Variants in WFDC1 observed in about 807,000 individuals in gnomAD.
The protein encoded by WFDC1 is WAP four-disulfide core domain 1.
WFDC1 carries 39 observed loss-of-function variants against 32.9 expected under a neutral mutation model. The ratio of observed to expected loss-of-function variants is 1.19; its 90% CI spans 0.92 to 1.55. The LOEUF (loss-of-function observed/expected upper bound fraction) is 1.55, where lower values mean the gene tolerates loss of function less well. WFDC1 is among the 40% of genes most tolerant of loss of function. The pLI is 0.00. For missense variants in WFDC1, 386 were observed against 309.5 expected (o/e 1.25, Z -1.85); for synonymous variants, 184 against 137.4 (o/e 1.34, Z -2.37).
At chr16:84,317,714 A>C (rs1908045033) in intron 2 of WFDC1, 2 of 153,978 alleles carry the variant, frequency 1.3e-5, no homozygotes, top group South Asian at 4.1e-4. Flanking sequence ...AAATTAAAAA[A>C]ATAAAGTATT....
chr16:84,295,157 T>C (rs1168255914), intron 1 of WFDC1, 42 bp downstream of exon 1: 6 of 1,605,308 alleles, frequency 3.7e-6, no homozygotes, highest in African/African-American at 1.3e-5. Flanking sequence ...CCTGTGTGGG[T>C]GGGAGTCAGC....
chr16:84,307,100 G>C (rs1434247094), intron 1 of WFDC1, among the ~76,000 whole-genome samples: 1 of 152,130 alleles, frequency 6.6e-6, no homozygotes, highest in African/African-American at 2.4e-5. Context: ...TGGGTGGCTG[G>C]AGAGAATGAG....
intron 1 of WFDC1, among the ~76,000 whole-genome samples, chr16:84,297,632 A>C (rs750598934): frequency 0.01 from 1,478 of 147,558 alleles, 62 homozygotes; most frequent in African/African-American, 0.035. Context: ...AAAAAAAAAA[A>C]AAAAAAAAAA....
chr16:84,311,940 C>T (rs976532327), intron 1 of WFDC1, among the ~76,000 whole-genome samples: 13 of 151,914 alleles, frequency 8.6e-5, no homozygotes, highest in African/African-American at 2.4e-4. Context: ...CTGAGGCAGG[C>T]GGATCACCTG....
chr16:84,298,677 T>C (rs1906753888), intron 1 of WFDC1, among the ~76,000 whole-genome samples: 1 of 152,168 alleles, frequency 6.6e-6, no homozygotes, highest in South Asian at 2.1e-4. Flanking sequence ...TGCTCTAGTC[T>C]CTCAAAGCCT....
chr16:84,296,998 A>T (rs1283769044), intron 1 of WFDC1: 1 of 152,184 alleles, frequency 6.6e-6, no homozygotes, highest in Non-Finnish European at 1.5e-5. Context: ...TTAACCCTCA[A>T]CTGTAGTTAG....
At chr16:84,328,955 G>GAAA (rs79425921) in intron 6 of WFDC1, 50,241 of 148,500 alleles carry the variant, frequency 0.34, 9,497 homozygotes, top group South Asian at 0.5. Context: ...CCTGTTTCAA[G>GAAA]AAAAAAAAAA....
chr16:84,322,307 G>A (rs554644377), intron 4 of WFDC1, among the ~76,000 whole-genome samples: 1 of 152,112 alleles, frequency 6.6e-6, no homozygotes, highest in East Asian at 1.9e-4. Flanking sequence ...TAATTTACTG[G>A]TAATTATATA....
intron 1 of WFDC1, among the ~76,000 whole-genome samples, chr16:84,303,532 C>A (rs1907071488): frequency 6.6e-6 from 1 of 151,578 alleles, no homozygotes; most frequent in African/African-American, 2.4e-5. Context: ...TAGAAATGAT[C>A]TGAATTCTTC....
intron 3 of WFDC1, 34 bp from the exon 4 acceptor site, chr16:84,319,397 G>A (rs1381427602): frequency 1.2e-6 from 2 of 1,601,096 alleles, no homozygotes; most frequent in South Asian, 2.2e-5. Context: ...CTGGGAGTCG[G>A]CCTTCTAGAC....
At chr16:84,325,059 C>G (rs1015262558) in intron 5 of WFDC1, among the ~76,000 whole-genome samples, 1 of 152,072 alleles carries the variant, frequency 6.6e-6, no homozygotes, top group Non-Finnish European at 1.5e-5. Flanking sequence ...ACCCACCCAT[C>G]TATCCTTTTA....
chr16:84,328,507 C>CG (rs1908734336), intron 6 of WFDC1: 1 of 152,184 alleles, frequency 6.6e-6, no homozygotes, highest in Non-Finnish European at 1.5e-5. Context: ...GGGACTGATG[C>CG]CAGCACGTCT....
At chr16:84,295,220 A>G (rs429725) in intron 1 of WFDC1, 105 bp downstream of exon 1, 1,445,103 of 1,465,430 alleles carry the variant, frequency 0.99, 714,598 homozygotes, top group East Asian at 1. Context: ...TGCTCCCCCA[A>G]AACGTGGCAA....
intron 1 of WFDC1, chr16:84,295,458 A>G (rs1015352433): frequency 6.4e-6 from 3 of 472,168 alleles, no homozygotes; most frequent in Non-Finnish European, 1.1e-5. Context: ...CTCCCTGATC[A>G]GTACCAAATG....
intron 2 of WFDC1, chr16:84,316,461 C>G (rs1463950399): frequency 2.0e-5 from 3 of 152,180 alleles, no homozygotes; most frequent in Non-Finnish European, 4.4e-5. Flanking sequence ...TGATCTCCAA[C>G]ATGCTTAAAG....
chr16:84,321,958 T>C (rs1043016388), intron 4 of WFDC1, among the ~76,000 whole-genome samples: 3 of 152,208 alleles, frequency 2.0e-5, no homozygotes, highest in African/African-American at 7.2e-5. Flanking sequence ...GGGGTAGTTA[T>C]GGGGCTTGAG....
At chr16:84,324,553 G>A in intron 5 of WFDC1, 93 bp downstream of exon 5, 1 of 1,407,590 alleles carries the variant, frequency 7.1e-7, no homozygotes, top group Non-Finnish European at 9.8e-7. Flanking sequence ...GCCCAGGGCT[G>A]AGATATAGGG....
chr16:84,311,906 CTGTAAT>C (rs1435796869), intron 1 of WFDC1, among the ~76,000 whole-genome samples: 6 of 151,960 alleles, frequency 3.9e-5, no homozygotes, highest in Non-Finnish European at 8.8e-5. Context: ...TGGCTCACAC[CTGTAAT>C]CCCAGCACTT....
At chr16:84,303,692 C>A (rs1332846065) in intron 1 of WFDC1, among the ~76,000 whole-genome samples, 2 of 152,168 alleles carry the variant, frequency 1.3e-5, no homozygotes, top group Non-Finnish European at 2.9e-5. Flanking sequence ...ACATGACAGA[C>A]AATTCACCCT....
Sources: gnomAD v4.1 joint callset for allele counts (sites outside exome capture counted in the v4.1 genomes callset) on GRCh38, gnomAD v4.1.1 for gene constraint, MANE v1.5 for transcripts, NCBI Gene and HGNC (gene_info 2026-07-23, HGNC 2026-07-21) for gene names.